USH2A: variants seen among roughly 807,000 people sequenced by gnomAD.
The protein encoded by USH2A is usherin.
In USH2A, 443 loss-of-function variants were observed where a neutral mutation model predicts 538.9. The observed-to-expected ratio is 0.82, with a 90% CI of 0.76 to 0.89. The LOEUF (loss-of-function observed/expected upper bound fraction) is 0.89, where lower values mean the gene tolerates loss of function less well. Ranked by LOEUF, USH2A falls within the 40% of genes least tolerant of loss-of-function variation. USH2A has a pLI of 0.00. For synonymous variants in USH2A, 2,413 were observed against 2,273.5 expected, an observed-to-expected ratio of 1.06 and a Z score of -1.75; for missense variants, 6,633 against 6,324.8, an observed-to-expected ratio of 1.05 and a Z score of -1.65.
intron 40 of USH2A, among the ~76,000 whole-genome samples, chr1:215,891,872 G>A (rs879462376): frequency 1.3e-5 from 2 of 152,140 alleles, no homozygotes; most frequent in Admixed American, 6.6e-5. Context: ...CTCCGTGGGT[G>A]TAATTGTTTA....
intron 3 of USH2A, among the ~76,000 whole-genome samples, chr1:216,383,843 T>A (rs1420780447): frequency 1.3e-5 from 2 of 149,398 alleles, no homozygotes; most frequent in African/African-American, 5.1e-5. Context: ...CCTGGCTAAT[T>A]TTTTTTCTTT....
chr1:216,128,670 T>C (rs2033307072), intron 21 of USH2A, among the ~76,000 whole-genome samples: 1 of 152,094 alleles, frequency 6.6e-6, no homozygotes, highest in Non-Finnish European at 1.5e-5. Flanking sequence ...TTTTGACAAA[T>C]GCATACAATG....
rs1286331476 is a variant in USH2A, at chr1:215,743,173, T to A, written c.11548+4A>T. 1 of 1,609,084 alleles carries A rather than the reference T, an allele frequency of 6.2e-7. No homozygotes were observed. Among genetic ancestry groups the A allele is most frequent in the South Asian group, 1.1e-5 (1 of 91,046 alleles). On this transcript the variant is annotated splice_donor_region_variant and intron_variant, in intron 59 of 71. Transcript: ENST00000307340. ...CCCAGGCCAAGTGTCTGAAAGACTT[T>A]CACCATTTTGACATGCTTGTATCCT...
intron 43 of USH2A, among the ~76,000 whole-genome samples, chr1:215,871,724 T>C (rs1406840300): frequency 6.6e-6 from 1 of 152,208 alleles, no homozygotes; most frequent in African/African-American, 2.4e-5. Context: ...AATGAGAACA[T>C]CTAATTTATT....
chr1:216,373,703 AC>A (rs2038759373), intron 3 of USH2A, among the ~76,000 whole-genome samples: 1 of 152,130 alleles, frequency 6.6e-6, no homozygotes. Context: ...TTTGTCAATG[AC>A]CCCAAAAAGT....
intron 47 of USH2A, among the ~76,000 whole-genome samples, chr1:215,827,866 A>C (rs1057009357): frequency 4.6e-5 from 7 of 152,174 alleles, no homozygotes; most frequent in Non-Finnish European, 7.3e-5. Context: ...ATGTGGCCTT[A>C]ATTTTTTCTT....
chr1:215,868,468 G>T (rs1350361780), intron 43 of USH2A, among the ~76,000 whole-genome samples: 1 of 152,160 alleles, frequency 6.6e-6, no homozygotes, highest in Non-Finnish European at 1.5e-5. Context: ...ATATGTGCTT[G>T]CATCAGATCT....
At chr1:216,194,490 A>G (rs1019538970) in intron 19 of USH2A, among the ~76,000 whole-genome samples, 5 of 152,176 alleles carry the variant, frequency 3.3e-5, no homozygotes, top group African/African-American at 1.2e-4. Context: ...TGCCACCTTG[A>G]CAGTATTCTT....
chr1:216,388,675 C>T (rs2039049086), intron 3 of USH2A, among the ~76,000 whole-genome samples: 1 of 152,184 alleles, frequency 6.6e-6, no homozygotes, highest in Non-Finnish European at 1.5e-5. Flanking sequence ...AATGCAAATG[C>T]AGTGTTAACA....
chr1:215,925,539 G>A (rs1453821711), intron 38 of USH2A, among the ~76,000 whole-genome samples: 1 of 152,140 alleles, frequency 6.6e-6, no homozygotes, highest in Admixed American at 6.6e-5. Flanking sequence ...ATCTGTTTAT[G>A]TGGTAGAATG....
intron 56 of USH2A, among the ~76,000 whole-genome samples, chr1:215,761,695 A>G (rs1049764149): frequency 6.6e-6 from 1 of 152,200 alleles, no homozygotes; most frequent in East Asian, 1.9e-4. Flanking sequence ...CTGTCTAAAA[A>G]ATAAAATATA....
rs750884150 is a variant in USH2A at position 215,790,069 on chromosome 1, A to T, written c.10172T>A (p.Met3391Lys). Residue 3391 changes from methionine (M) to lysine (K), a missense_variant, in exon 51 of 72, where the codon ATG (methionine) becomes AAG (lysine). Met to Lys is a moderately conservative substitution (Grantham distance 95, BLOSUM62 -1). Coordinates refer to ENST00000307340, the MANE Select transcript of USH2A (RefSeq NM_206933.4). The part of the protein sequence containing the change: ...YVCSDKISTG[M>K]MMKETKECRI... ...TTTTCTATCAATTACCTTCATCATCATTCCAGTTGAAATCTTGTCAGAGCA... is the reference window on the plus strand; with the variant it reads ...TTTTCTATCAATTACCTTCATCATCTTTCCAGTTGAAATCTTGTCAGAGCA... 6.2e-7 allele frequency: 1 copy of T among 1,613,268 alleles called. No individual in the cohort carries two copies. Among genetic ancestry groups the T allele is most frequent in the Non-Finnish European group, 8.5e-7 (1 of 1,179,904 alleles).
intron 21 of USH2A, among the ~76,000 whole-genome samples, chr1:216,157,846 A>G (rs924050084): frequency 5.3e-5 from 8 of 152,192 alleles, no homozygotes; most frequent in African/African-American, 1.4e-4. Context: ...CCTATTGGAT[A>G]CCACGCTCAC....
At chr1:215,848,383 C>T (rs1461391037) in intron 44 of USH2A, among the ~76,000 whole-genome samples, 2 of 152,156 alleles carry the variant, frequency 1.3e-5, no homozygotes, top group African/African-American at 4.8e-5. Flanking sequence ...AAATTAATTT[C>T]ACTTGGGTTA....
chr1:216,201,278 C>A (rs1395091733), intron 16 of USH2A, among the ~76,000 whole-genome samples: 1 of 150,476 alleles, frequency 6.6e-6, no homozygotes, highest in African/African-American at 2.4e-5. Flanking sequence ...GATAACCCAT[C>A]GTGTAAACCT....
intron 4 of USH2A, among the ~76,000 whole-genome samples, chr1:216,344,018 G>A (rs1014660141): frequency 2.0e-5 from 3 of 151,846 alleles, no homozygotes; most frequent in African/African-American, 7.3e-5. Context: ...TTTACTCTAT[G>A]GACTCACCTT....
At chr1:216,169,534 A>G (rs956655696) in intron 21 of USH2A, among the ~76,000 whole-genome samples, 7 of 152,112 alleles carry the variant, frequency 4.6e-5, no homozygotes, top group Non-Finnish European at 1.0e-4. Context: ...TCTCTACTAA[A>G]TATAATAAAA....
At chr1:215,861,352 T>C (rs1257133055) in intron 44 of USH2A, among the ~76,000 whole-genome samples, 1 of 152,240 alleles carries the variant, frequency 6.6e-6, no homozygotes, top group Non-Finnish European at 1.5e-5. Flanking sequence ...TAAATTGATA[T>C]GGGCAAACAG....
At position 215,688,895 on chromosome 1, in the gene USH2A, C is replaced by T. The variant is rs537723817; in HGVS notation, c.12067-8519G>A. 4.9e-4 allele frequency among the ~76,000 whole-genome samples: 74 copies of T among 152,114 alleles called. 2 individuals carry two copies. The South Asian group carries it at 0.015, about 30-fold the overall frequency. ...CATGGGTCAAGAGAGGGAGGGGAGA[C>T]ATTCAAAGGCTTTTGCTGAAGGCCA... On this transcript the variant is annotated intron_variant, in intron 61 of 71. Coordinates refer to ENST00000307340, the MANE Select transcript of USH2A (RefSeq NM_206933.4).
Sources: gnomAD v4.1 joint callset for allele counts (sites outside exome capture counted in the v4.1 genomes callset) on GRCh38, gnomAD v4.1.1 for gene constraint, MANE v1.5 for transcripts, NCBI Gene and HGNC (gene_info 2026-07-23, HGNC 2026-07-21) for gene names.